Variants in MYO9B observed in about 807,000 individuals in gnomAD.
MYO9B encodes the protein myosin IXB.
MYO9B carries 71 observed loss-of-function variants against 229.5 expected under a neutral mutation model. The observed-to-expected ratio is 0.31, with a 90% CI of 0.26 to 0.38. MYO9B has a LOEUF of 0.38. Among genes scored for constraint, MYO9B ranks in the 10% least tolerant of loss-of-function variants. The probability of loss-of-function intolerance (pLI) is 1.00; values close to 1 mark genes in which losing one functional copy is unlikely to be tolerated. For missense variants in MYO9B, 2,255 were observed against 2,920.5 expected (o/e 0.77, Z 5.25); for synonymous variants, 1,185 against 1,235.8 (o/e 0.96, Z 0.86).
Position 17,193,424 on chromosome 19 carries a change from C to G in MYO9B, c.3128+362C>G, listed in dbSNP as rs1171202921. 2.0e-5 allele frequency among the ~76,000 whole-genome samples: 3 copies of G among 152,154 alleles called. No individual in the cohort carries two copies. The highest frequency in any genetic ancestry group is 7.2e-5 in the African/African-American group (3 of 41,438). On this transcript the variant is annotated intron_variant, in intron 21 of 39. Transcript: ENST00000682292. This position sits in a 1 kb window ranked among gnomAD's most constrained non-coding sequence, Gnocchi z 4.3. ...GGGGCATCCACCGGGCACAGAGAAG[C>G]CCCCAGGAGGATATCAGCAGCTCCC... is the stretch of plus-strand genomic sequence containing the variant.
chr19:17,094,473 C>T lies in MYO9B; in HGVS notation c.-58-7187C>T, dbSNP rs565053523. Among the ~76,000 whole-genome samples, 7 of 152,332 alleles carry T rather than the reference C, an allele frequency of 4.6e-5. No homozygotes were observed. In the East Asian group the frequency reaches 7.7e-4, roughly 17 times the overall value. ...ACATCCATCATCTGAAAAGTGTCCT[C>T]AGGCCTCTTGGCATCCCTCCCCACT... On this transcript the variant is annotated intron_variant, in intron 1 of 39. Transcript: ENST00000682292.
intron 1 of MYO9B, among the ~76,000 whole-genome samples, chr19:17,081,729 A>G (rs1043873849): frequency 3.3e-5 from 5 of 151,190 alleles, no homozygotes; most frequent in Admixed American, 1.3e-4. Flanking sequence ...GAATTGCTTG[A>G]ACCCAGGAGG....
At chr19:17,166,020 C>T (rs528167732) in intron 10 of MYO9B, among the ~76,000 whole-genome samples, 1 of 152,172 alleles carries the variant, frequency 6.6e-6, no homozygotes, top group South Asian at 2.1e-4. Context: ...GAAAGTTTGC[C>T]AACCTCTAAA....
intron 19 of MYO9B, 78 bp from the exon 20 acceptor site, chr19:17,191,019 G>C: frequency 6.9e-7 from 1 of 1,446,546 alleles, no homozygotes. Flanking sequence ...ACCTTAACCA[G>C]GGTCACCAGA....
chr19:17,183,075 C>T (rs1199047798), intron 15 of MYO9B, among the ~76,000 whole-genome samples: 1 of 152,030 alleles, frequency 6.6e-6, no homozygotes, highest in Admixed American at 6.6e-5. Flanking sequence ...GCACCCGCCA[C>T]CACACCTGGC....
At position 17,092,532 on chromosome 19, in the gene MYO9B, C is replaced by T. The variant is rs923282036; in HGVS notation, c.-58-9128C>T. ...CTTGAGGCTAGAAGTTGGAGACCAG[C>T]CTGGCCAACATGGCAAAGCCCTGTC... On this transcript the variant is annotated intron_variant, in intron 1 of 39. Coordinates refer to ENST00000682292, the MANE Select transcript of MYO9B (RefSeq NM_004145.4). Among the ~76,000 whole-genome samples the T allele has an allele frequency of 2.6e-5, 4 of 152,106 alleles. No individual in the cohort carries two copies. In the South Asian group the frequency reaches 8.3e-4, roughly 32 times the overall value.
rs764397165 is a variant in MYO9B at position 17,162,362 on chromosome 19, C to T, written c.1432C>T (p.Arg478Cys). ...TCTGTGTCCACAGGCCATCACTGCC[C>T]GCGACTCCATGGCCAAGTCTCTGTA... ...PYSLSEAITA[R>C]DSMAKSLYSA... Residue 478 changes from arginine to cysteine, a missense_variant, in exon 9 of 40, where the codon CGC becomes TGC. Arg to Cys is a radical substitution (Grantham distance 180). Transcript: ENST00000682292. 15 of 1,577,142 alleles carry T rather than the reference C, an allele frequency of 9.5e-6. No homozygotes were observed. Among genetic ancestry groups the T allele is most frequent in the East Asian group, 2.3e-5 (1 of 42,590 alleles).
chr19:17,197,773 T>C lies in MYO9B; in HGVS notation c.4047-19T>C, dbSNP rs1163943416. The C allele has an allele frequency of 1.9e-6, 3 of 1,613,684 alleles. No homozygotes were observed. Among genetic ancestry groups the C allele is most frequent in the East Asian group, 2.2e-5 (1 of 44,878 alleles). On this transcript the variant is annotated intron_variant, in intron 22 of 39. Transcript: ENST00000682292. ...GACTCACTCTAGTCAGTAAAAGCCA[T>C]GTTTCTGTGATCTCGCAGGGAGAGG...
chr19:17,124,999 C>A (rs1479445673), intron 2 of MYO9B, among the ~76,000 whole-genome samples: 3 of 151,868 alleles, frequency 2.0e-5, no homozygotes, highest in Non-Finnish European at 1.5e-5. Context: ...ATGATTTGGG[C>A]ATCAAATGGG....
rs1436414520 is a variant in MYO9B, at chr19:17,095,274, G to A, written c.-58-6386G>A. 6 of 152,138 alleles carry A rather than the reference G, an allele frequency of 3.9e-5. No homozygotes were observed. In the East Asian group the frequency reaches 9.6e-4, roughly 24 times the overall value. 9.4% of individuals were successfully genotyped at this position (152,138 alleles called of 1,614,324 possible). On this transcript the variant is annotated intron_variant, in intron 1 of 39. Transcript: ENST00000682292. ...AAGTGTGCTAGTCAGTGCATTCACC[G>A]TGTTGTGCAACGACCAGCTCTATCT...
chr19:17,120,190 T>A (rs1446859771), intron 2 of MYO9B, among the ~76,000 whole-genome samples: 1 of 152,180 alleles, frequency 6.6e-6, no homozygotes, highest in African/African-American at 2.4e-5. Flanking sequence ...ATATGATCCC[T>A]CTGGGCTCAG....
intron 1 of MYO9B, among the ~76,000 whole-genome samples, chr19:17,090,802 C>T (rs2057630669): frequency 6.6e-6 from 1 of 152,172 alleles, no homozygotes; most frequent in South Asian, 2.1e-4. Flanking sequence ...CCCCAAAACA[C>T]AACCATAACC....
At position 17,156,900 on chromosome 19, in the gene MYO9B, C is replaced by T; in HGVS notation, c.1200-9C>T. The T allele has an allele frequency of 6.2e-7, 1 of 1,610,426 alleles. No homozygotes were observed. Among genetic ancestry groups the T allele is most frequent in the Non-Finnish European group, 8.5e-7 (1 of 1,178,644 alleles). ...AACTACCCAAATATGAGTGCCTTTT[C>T]TTTCCCAGGATTTTTGCCGTCCTCT... On this transcript the variant is annotated splice_polypyrimidine_tract_variant and intron_variant, in intron 6 of 39. Coordinates refer to ENST00000682292, the MANE Select transcript of MYO9B (RefSeq NM_004145.4).
chr19:17,209,568 C>G lies in MYO9B; in HGVS notation c.5625-18C>G. ...GGGCGGTAACTGAGTCACTTCCTCC[C>G]GTGGGCCTTCTCTGTAGGTGCGTGG... On this transcript the variant is annotated intron_variant, in intron 35 of 39. Coordinates refer to ENST00000682292, the MANE Select transcript of MYO9B (RefSeq NM_004145.4). 1 of 1,573,866 alleles carries G rather than the reference C, an allele frequency of 6.4e-7. No homozygotes were observed. Among genetic ancestry groups the G allele is most frequent in the African/African-American group, 1.3e-5 (1 of 74,192 alleles).
intron 1 of MYO9B, among the ~76,000 whole-genome samples, chr19:17,091,359 G>A (rs925884018): frequency 2.6e-5 from 4 of 152,184 alleles, no homozygotes; most frequent in African/African-American, 9.7e-5. Context: ...CCGAGTAGCT[G>A]GGATTATAGA....
chr19:17,194,691 G>A lies in MYO9B; in HGVS notation c.3264G>A (p.Pro1088=), dbSNP rs753514817. ...AGGQQVAEQG[P]EPAEDGGHLA... ...GGCAGCAGGTAGCTGAGCAGGGGCC[G>A]GAGCCAGCGGAGGATGGCGGGCACC... The change falls in exon 22 of 40, where the codon CCG becomes CCA. Residue 1088 remains proline (P), a synonymous_variant. Coordinates refer to ENST00000682292, the MANE Select transcript of MYO9B (RefSeq NM_004145.4). 2.4e-5 allele frequency: 39 copies of A among 1,612,740 alleles called. No homozygotes were observed. Among genetic ancestry groups the A allele is most frequent in the African/African-American group, 6.7e-5 (5 of 74,936 alleles).
Position 17,195,386 on chromosome 19 carries a change from C to G in MYO9B, c.3959C>G (p.Ala1320Gly), listed in dbSNP as rs780482987. 5 of 1,609,118 alleles carry G rather than the reference C, an allele frequency of 3.1e-6. No homozygotes were observed. In the Admixed American group the frequency reaches 8.4e-5, roughly 27 times the overall value. Reference protein sequence around the residue: ...VELWRGKKLVAAASPSAMLSQ... With the variant: ...VELWRGKKLVGAASPSAMLSQ... ...CTGTGGCGGGGCAAGAAGCTGGTGG[C>G]CGCCGCCAGCCCTAGTGCCATGCTC... The change falls in exon 22 of 40, where the codon GCC becomes GGC. Residue 1320 changes from alanine (A) to glycine (G), a missense_variant. Ala to Gly is a moderately conservative substitution (Grantham distance 60). Around this residue, in one of 7 missense-constraint regions of MYO9B, gnomAD observed 679 missense variants for 770.2 expected, o/e 0.88. Coordinates refer to ENST00000682292, the MANE Select transcript of MYO9B (RefSeq NM_004145.4). The surrounding 1 kb of genome is among the most constrained non-coding windows in gnomAD (Gnocchi z 4.5).
At chr19:17,210,239 C>T in intron 36 of MYO9B, 94 bp from the exon 37 acceptor site, 2 of 1,302,162 alleles carry the variant, frequency 1.5e-6, no homozygotes, top group Non-Finnish European at 2.1e-6. Flanking sequence ...AACCAGGGAC[C>T]CCCTATCTTG....
At chr19:17,091,375 A>G (rs2057636325) in intron 1 of MYO9B, among the ~76,000 whole-genome samples, 3 of 152,180 alleles carry the variant, frequency 2.0e-5, no homozygotes, top group Admixed American at 2.0e-4. Flanking sequence ...ATAGATGTGC[A>G]CCACCACGCC....
Sources: gnomAD v4.1 joint callset for allele counts (sites outside exome capture counted in the v4.1 genomes callset) on GRCh38, gnomAD v4.1.1 for gene constraint, gnomAD v4.1.1 regional missense constraint, Gnocchi (gnomAD v3.1) non-coding constraint, MANE v1.5 for transcripts, NCBI Gene and HGNC (gene_info 2026-07-23, HGNC 2026-07-21) for gene names.